Variants in SLIT2 observed in about 807,000 individuals in gnomAD.
SLIT2 encodes slit guidance ligand 2.
SLIT2 carries 41 observed loss-of-function variants against 185.7 expected under a neutral mutation model. That is an observed-to-expected ratio of 0.22 (90% CI 0.17 to 0.29). The LOEUF (loss-of-function observed/expected upper bound fraction) is 0.29, where lower values mean the gene tolerates loss of function less well. Ranked by LOEUF, SLIT2 falls within the 10% of genes least tolerant of loss-of-function variation. The probability of loss-of-function intolerance (pLI) is 1.00; values close to 1 mark genes in which losing one functional copy is unlikely to be tolerated. For missense variants in SLIT2, 1,571 were observed against 1,909.0 expected (o/e 0.82, Z 3.30); for synonymous variants, 693 against 680.2 (o/e 1.02, Z -0.29).
chr4:20,460,053 G>A (rs1242407927), intron 4 of SLIT2, among the ~76,000 whole-genome samples: 1 of 151,738 alleles, frequency 6.6e-6, no homozygotes, highest in Non-Finnish European at 1.5e-5. Flanking sequence ...TAGTAGAGAC[G>A]AGTTTTCACC....
intron 4 of SLIT2, chr4:20,394,447 T>G (rs1325418763): frequency 6.6e-6 from 1 of 151,986 alleles, no homozygotes. Flanking sequence ...TTTACCCCCA[T>G]GCATGTGATC....
chr4:20,345,290 A>G (rs970528946), intron 4 of SLIT2, among the ~76,000 whole-genome samples: 2 of 151,990 alleles, frequency 1.3e-5, no homozygotes, highest in Admixed American at 1.3e-4. Flanking sequence ...GTCTGTGCTG[A>G]TATATTTTTA....
chr4:20,516,399 A>T (rs1396919912), intron 11 of SLIT2, among the ~76,000 whole-genome samples: 1 of 152,258 alleles, frequency 6.6e-6, no homozygotes, highest in Non-Finnish European at 1.5e-5. Flanking sequence ...TAAGTCATGT[A>T]TAAGAAACTG....
intron 4 of SLIT2, among the ~76,000 whole-genome samples, chr4:20,460,128 G>C (rs185325568): frequency 6.6e-6 from 1 of 151,804 alleles, no homozygotes; most frequent in Non-Finnish European, 1.5e-5. Context: ...CCTCCCAAAG[G>C]CTGAGATTAC....
intron 4 of SLIT2, among the ~76,000 whole-genome samples, chr4:20,337,629 C>T (rs1328833745): frequency 6.6e-6 from 1 of 152,136 alleles, no homozygotes. Flanking sequence ...GATAACTTGA[C>T]ATTTAATTCA....
intron 4 of SLIT2, among the ~76,000 whole-genome samples, chr4:20,431,258 A>G (rs1299580717): frequency 6.6e-6 from 1 of 152,226 alleles, no homozygotes; most frequent in Non-Finnish European, 1.5e-5. Flanking sequence ...AAAAAAGTTG[A>G]CTTTACATGT....
chr4:20,472,557 T>TATATCGATATATAG (rs1560455141), intron 5 of SLIT2, among the ~76,000 whole-genome samples: 1 of 24,472 alleles, frequency 4.1e-5, no homozygotes, highest in Non-Finnish European at 6.2e-5. Context: ...TATATATAGA[T>TATATCGATATATAG]ATATATCTAT....
At chr4:20,300,602 A>G (rs1300103805) in intron 4 of SLIT2, among the ~76,000 whole-genome samples, 1 of 83,290 alleles carries the variant, frequency 1.2e-5, no homozygotes, top group Non-Finnish European at 2.3e-5. Context: ...ACGTGCAGAC[A>G]TGCACACACA....
intron 4 of SLIT2, among the ~76,000 whole-genome samples, chr4:20,414,325 C>T (rs1184242048): frequency 7.9e-5 from 12 of 152,130 alleles, no homozygotes; most frequent in Admixed American, 7.9e-4. Context: ...CATCCTTACC[C>T]ATCCTAGGTC....
chr4:20,288,983 AG>A (rs1470101469), intron 4 of SLIT2, among the ~76,000 whole-genome samples: 1 of 152,218 alleles, frequency 6.6e-6, no homozygotes, highest in African/African-American at 2.4e-5. Context: ...AAGTTGCCAA[AG>A]AAAGGGCATG....
intron 4 of SLIT2, among the ~76,000 whole-genome samples, chr4:20,374,839 A>C (rs1477844951): frequency 2.0e-5 from 3 of 152,138 alleles, no homozygotes; most frequent in Non-Finnish European, 4.4e-5. Flanking sequence ...ATATAAACTT[A>C]TTAAAGGCTT....
chr4:20,352,745 T>A (rs1252475870), intron 4 of SLIT2, among the ~76,000 whole-genome samples: 1 of 152,072 alleles, frequency 6.6e-6, no homozygotes, highest in East Asian at 1.9e-4. Context: ...AAATCCCATC[T>A]CTACTGAAAA....
intron 4 of SLIT2, among the ~76,000 whole-genome samples, chr4:20,308,810 T>A (rs1214154781): frequency 6.6e-6 from 1 of 152,208 alleles, no homozygotes; most frequent in Non-Finnish European, 1.5e-5. Context: ...AAGTTTCTAG[T>A]TGTACATATG....
intron 4 of SLIT2, among the ~76,000 whole-genome samples, chr4:20,306,081 A>C (rs1717520602): frequency 6.6e-6 from 1 of 151,970 alleles, no homozygotes; most frequent in South Asian, 2.1e-4. Flanking sequence ...CTTCTGGAAG[A>C]AAAGGGAGAA....
At chr4:20,258,934 A>C (rs1712147825) in intron 3 of SLIT2, among the ~76,000 whole-genome samples, 1 of 151,806 alleles carries the variant, frequency 6.6e-6, no homozygotes, top group South Asian at 2.1e-4. Flanking sequence ...GCAAAAGGGC[A>C]GAAGTTAATT....
chr4:20,540,775 T>C lies in SLIT2; in HGVS notation c.1977-678T>C, dbSNP rs544712640. Reference sequence around the variant, plus strand: ...GAAAGTACTTAATCCTCTTTTTGCATAAAATGTGACATTTTACATCGAGTG... The same window carrying C: ...GAAAGTACTTAATCCTCTTTTTGCACAAAATGTGACATTTTACATCGAGTG... On this transcript the variant is annotated intron_variant, in intron 19 of 36. Coordinates refer to ENST00000504154, the MANE Select transcript of SLIT2 (RefSeq NM_004787.4). 3.9e-5 allele frequency among the ~76,000 whole-genome samples: 6 copies of C among 152,328 alleles called. No homozygotes were observed. In the South Asian group the frequency reaches 1.2e-3, roughly 32 times the overall value.
chr4:20,386,922 C>T (rs549659845), intron 4 of SLIT2, among the ~76,000 whole-genome samples: 2 of 152,122 alleles, frequency 1.3e-5, no homozygotes, highest in South Asian at 4.3e-4. Context: ...ATAGTTTTAA[C>T]TTCTCAGCCT....
intron 4 of SLIT2, among the ~76,000 whole-genome samples, chr4:20,405,098 CAT>C (rs1379177094): frequency 2.0e-5 from 3 of 151,892 alleles, no homozygotes; most frequent in African/African-American, 4.8e-5. Flanking sequence ...ACATATAACA[CAT>C]GATTTCTTTG....
chr4:20,465,399 T>G (rs6447963), intron 4 of SLIT2, among the ~76,000 whole-genome samples: 110,430 of 152,038 alleles, frequency 0.73, 40,385 homozygotes, highest in Admixed American at 0.8. Flanking sequence ...ACTATTGCAT[T>G]TAGTAGGTAC....
Sources: allele counts gnomAD v4.1 joint callset (sites outside exome capture counted in the v4.1 genomes callset), GRCh38; gene constraint gnomAD v4.1.1; transcripts MANE v1.5; gene names NCBI Gene and HGNC (gene_info 2026-07-23, HGNC 2026-07-21).